KHDRBS2: variants seen among roughly 807,000 people sequenced by gnomAD.
KHDRBS2 encodes the protein KH RNA binding domain containing, signal transduction associated 2.
A neutral mutation model predicts 44.3 loss-of-function variants in KHDRBS2; 26 were observed. That is an observed-to-expected ratio of 0.59 (90% CI 0.43 to 0.81). KHDRBS2 has a LOEUF of 0.81. Ranked by LOEUF, KHDRBS2 falls within the 40% of genes least tolerant of loss-of-function variation. KHDRBS2 has a pLI of 0.00. For missense variants in KHDRBS2, 476 were observed against 433.1 expected (o/e 1.10, Z -0.88); for synonymous variants, 194 against 151.1 (o/e 1.28, Z -2.08).
intron 2 of KHDRBS2, among the ~76,000 whole-genome samples, chr6:62,127,310 A>C (rs1809197246): frequency 6.6e-6 from 1 of 152,146 alleles, no homozygotes; most frequent in Admixed American, 6.6e-5. Context: ...CCCTATTAGG[A>C]GTATGGGCTT....
At chr6:61,567,555 C>G in the KHDRBS2 span, among the ~76,000 whole-genome samples, 13 of 152,150 alleles carry the variant, frequency 8.5e-5, no homozygotes, top group African/African-American at 2.9e-4. Context: ...GCAGAAGGAT[C>G]ACTTGAGCCT....
At chr6:61,818,286 ATAG>A (rs772605483) in intron 6 of KHDRBS2, among the ~76,000 whole-genome samples, 359 of 149,726 alleles carry the variant, frequency 2.4e-3, no homozygotes, top group Non-Finnish European at 4.4e-3. Flanking sequence ...AAAAAAAAGG[ATAG>A]TAGGCAATGC....
At chr6:61,776,428 C>G (rs959496464) in intron 6 of KHDRBS2, among the ~76,000 whole-genome samples, 4 of 151,832 alleles carry the variant, frequency 2.6e-5, no homozygotes, top group Non-Finnish European at 5.9e-5. Context: ...CTACAATGAA[C>G]TCAAACAAAT....
chr6:61,993,760 A>G (rs1584027924), intron 3 of KHDRBS2, among the ~76,000 whole-genome samples: 1 of 150,290 alleles, frequency 6.7e-6, no homozygotes, highest in Non-Finnish European at 1.5e-5. Flanking sequence ...AAATGAATGT[A>G]TATTGGCTAT....
intron 2 of KHDRBS2, among the ~76,000 whole-genome samples, chr6:62,138,703 C>T (rs1316595861): frequency 6.6e-6 from 1 of 152,088 alleles, no homozygotes; most frequent in African/African-American, 2.4e-5. Flanking sequence ...TGACTATGAA[C>T]TAGAATTTAT....
chr6:61,911,498 C>T (rs558690882), intron 4 of KHDRBS2, among the ~76,000 whole-genome samples: 2 of 152,282 alleles, frequency 1.3e-5, no homozygotes, highest in African/African-American at 4.8e-5. Context: ...TTCTTTAATA[C>T]TCTCTGAATC....
chr6:61,995,087 T>C (rs1250881072), intron 3 of KHDRBS2, among the ~76,000 whole-genome samples: 2 of 152,104 alleles, frequency 1.3e-5, no homozygotes, highest in African/African-American at 4.8e-5. Flanking sequence ...AAAGGGTTCA[T>C]TTTTCCTGCG....
chr6:61,650,754 T>C, the KHDRBS2 span, among the ~76,000 whole-genome samples: 2 of 152,100 alleles, frequency 1.3e-5, no homozygotes, highest in Non-Finnish European at 2.9e-5. Context: ...TTGTAATCAG[T>C]TGTTCTCCAA....
chr6:62,047,887 A>T lies in KHDRBS2; in HGVS notation c.327T>A (p.Asp109Glu). 1 of 1,599,764 alleles carries T rather than the reference A, an allele frequency of 6.3e-7. No homozygotes were observed. Among genetic ancestry groups the T allele is most frequent in the Non-Finnish European group, 8.6e-7 (1 of 1,167,444 alleles). ...MSILGKGSMR[D>E]KAKEEELRKS... ...ATTCAAAGTTCAGTACCTTAGCTTT[A>T]TCTCTCATTGATCCTTTGCCCAGGA... is the stretch of plus-strand genomic sequence containing the variant. Residue 109 changes from aspartate (D) to glutamate (E), a missense_variant, in exon 3 of 9, where the codon GAT becomes GAA. By Grantham distance (45) the Asp-to-Glu change is conservative (BLOSUM62 2). Transcript: ENST00000281156.
the KHDRBS2 span, among the ~76,000 whole-genome samples, chr6:61,647,546 A>G: frequency 6.6e-6 from 1 of 152,176 alleles, no homozygotes; most frequent in Non-Finnish European, 1.5e-5. Flanking sequence ...GCACAGGATT[A>G]AAAAATAGAT....
intron 1 of KHDRBS2, among the ~76,000 whole-genome samples, chr6:62,221,135 A>G (rs557851003): frequency 1.3e-5 from 2 of 152,014 alleles, no homozygotes; most frequent in African/African-American, 2.4e-5. Flanking sequence ...TACCAAAAAA[A>G]AAAAGATTTT....
At chr6:61,590,916 A>G in the KHDRBS2 span, among the ~76,000 whole-genome samples, 1 of 152,200 alleles carries the variant, frequency 6.6e-6, no homozygotes, top group African/African-American at 2.4e-5. Context: ...GCTTAGAGGA[A>G]CATGAGACAA....
At chr6:62,183,667 G>T (rs1822823892) in intron 1 of KHDRBS2, among the ~76,000 whole-genome samples, 1 of 151,486 alleles carries the variant, frequency 6.6e-6, no homozygotes, top group Non-Finnish European at 1.5e-5. Flanking sequence ...ACATTTACAT[G>T]CAAGATATAA....
chr6:61,856,264 T>C (rs542553762), intron 6 of KHDRBS2, among the ~76,000 whole-genome samples: 112 of 152,280 alleles, frequency 7.4e-4, no homozygotes, highest in African/African-American at 2.5e-3. Context: ...CTTCACACTT[T>C]AGTGTCTAAG....
the KHDRBS2 span, among the ~76,000 whole-genome samples, chr6:61,570,137 C>T: frequency 6.6e-6 from 1 of 151,748 alleles, no homozygotes; most frequent in Non-Finnish European, 1.5e-5. Context: ...TCAAGGAGAT[C>T]CCAGAGAAAG....
chr6:61,773,206 G>A (rs1467973516), intron 6 of KHDRBS2, among the ~76,000 whole-genome samples: 4 of 151,992 alleles, frequency 2.6e-5, no homozygotes, highest in African/African-American at 7.2e-5. Context: ...GATCCCTGAG[G>A]AATCGCCACA....
chr6:61,853,724 A>C (rs1396861469), intron 6 of KHDRBS2, among the ~76,000 whole-genome samples: 1 of 152,204 alleles, frequency 6.6e-6, no homozygotes, highest in Non-Finnish European at 1.5e-5. Context: ...GAACAAGATG[A>C]AATCGTATTG....
At position 61,790,570 on chromosome 6, in the gene KHDRBS2, T is replaced by C. The variant is rs148583650; in HGVS notation, c.811-57806A>G. ...ATCACTTACTTTTTTAATCTGTCCT[T>C]GGGATGAGGTTATTTATGGATTTTA... On this transcript the variant is annotated intron_variant, in intron 6 of 8. Coordinates refer to ENST00000281156, the MANE Select transcript of KHDRBS2 (RefSeq NM_152688.4). 4.8e-3 allele frequency among the ~76,000 whole-genome samples: 721 copies of C among 151,630 alleles called. 10 individuals carry two copies. Among genetic ancestry groups the C allele is most frequent in the African/African-American group, 0.016 (681 of 41,516 alleles).
At chr6:61,608,392 A>G in the KHDRBS2 span, among the ~76,000 whole-genome samples, 2 of 151,898 alleles carry the variant, frequency 1.3e-5, no homozygotes, top group East Asian at 3.9e-4. Context: ...TTCTATGGAT[A>G]TGTATGAAAA....
Sources: gnomAD v4.1 joint callset for allele counts (sites outside exome capture counted in the v4.1 genomes callset) on GRCh38, gnomAD v4.1.1 for gene constraint, MANE v1.5 for transcripts, NCBI Gene and HGNC (gene_info 2026-07-23, HGNC 2026-07-21) for gene names.